SNAPC3: variants seen among roughly 807,000 people sequenced by gnomAD.
SNAPC3 encodes small nuclear RNA activating complex polypeptide 3.
A neutral mutation model predicts 47.7 loss-of-function variants in SNAPC3; 56 were observed. The ratio of observed to expected loss-of-function variants is 1.18; its 90% CI spans 0.95 to 1.47. The LOEUF is 1.47. Ranked by LOEUF, SNAPC3 falls within the 40% of genes most tolerant of loss-of-function variation. The pLI is 0.00. For missense variants in SNAPC3, 665 were observed against 511.3 expected (o/e 1.30, Z -2.90); for synonymous variants, 235 against 189.9 (o/e 1.24, Z -1.95).
downstream of SNAPC3, among the ~76,000 whole-genome samples, chr9:15,466,386 A>T (rs1587447299): frequency 6.6e-6 from 1 of 152,116 alleles, no homozygotes; most frequent in East Asian, 1.9e-4. Context: ...CTCAAAGAAA[A>T]AACAACAACA....
chr9:15,458,232 C>T (rs1194451518), intron 8 of SNAPC3, among the ~76,000 whole-genome samples, 165 bp downstream of exon 8: 4 of 152,064 alleles, frequency 2.6e-5, no homozygotes, highest in Admixed American at 6.6e-5. Flanking sequence ...TTAAAACTAA[C>T]ATTCTTAAAT....
intron 3 of SNAPC3, chr9:15,433,921 CTT>C (rs1440209746): frequency 9.1e-6 from 2 of 219,560 alleles, no homozygotes; most frequent in Non-Finnish European, 1.8e-5. Flanking sequence ...TATTTCTGGT[CTT>C]TTTGTTCTGC....
chr9:15,452,210 G>A (rs2034442591), intron 6 of SNAPC3, among the ~76,000 whole-genome samples: 1 of 152,060 alleles, frequency 6.6e-6, no homozygotes, highest in South Asian at 2.1e-4. Context: ...TAAGCCGACT[G>A]CATCGGCCTC....
At position 15,423,140 on chromosome 9, in the gene SNAPC3, C is replaced by T. The variant is rs559260049; in HGVS notation, c.261C>T (p.Ala87=). ...ADSDREDAAV[A]RDLDCSLEAA... is the part of the protein sequence containing the mutation. ...CCGACCGGGAGGATGCCGCGGTGGC[C>T]AGGGATCTGGACTGCAGCCTGGAGG... The change falls in exon 1 of 9, where the codon GCC becomes GCT. Residue 87 remains alanine (A), a synonymous_variant. Coordinates refer to ENST00000380821, the MANE Select transcript of SNAPC3 (RefSeq NM_001039697.2). 1.7e-5 allele frequency: 27 copies of T among 1,563,056 alleles called. No homozygotes were observed. The South Asian group carries it at 2.5e-4, about 14-fold the overall frequency.
chr9:15,443,352 T>G (rs1388403786), intron 3 of SNAPC3, among the ~76,000 whole-genome samples: 1 of 152,224 alleles, frequency 6.6e-6, no homozygotes, highest in Non-Finnish European at 1.5e-5. Context: ...AATTCTTATT[T>G]TCCTAAGAGT....
chr9:15,428,738 C>T (rs764794541), intron 2 of SNAPC3, among the ~76,000 whole-genome samples: 3 of 151,262 alleles, frequency 2.0e-5, no homozygotes. Flanking sequence ...TTGTAAGATA[C>T]CTAAGGGAAA....
At position 15,423,084 on chromosome 9, in the gene SNAPC3, T is replaced by C; in HGVS notation, c.205T>C (p.Ser69Pro). 6.5e-7 allele frequency: 1 copy of C among 1,527,082 alleles called. No homozygotes were observed. Among genetic ancestry groups the C allele is most frequent in the Admixed American group, 2.4e-5 (1 of 41,602 alleles). 94.6% of individuals were successfully genotyped at this position (1,527,082 alleles called of 1,614,324 possible). A position where few individuals can be genotyped will look rare whatever the true frequency, so the allele number is the denominator to read the frequency against. Residue 69 changes from serine (S) to proline (P), a missense_variant, in exon 1 of 9, where the codon TCC (serine) becomes CCC (proline). Transcript: ENST00000380821. ...CTTGTCGCTGAGGGAGCCGCCGGCA[T>C]CCGCTCTGCCTGGGAGCCAGGCAGC... ...GDLSLREPPA[S>P]ALPGSQAADS... is the part of the protein sequence containing the mutation.
At position 15,451,335 on chromosome 9, in the gene SNAPC3, G is replaced by C; in HGVS notation, c.748G>C (p.Ala250Pro). The C allele has an allele frequency of 6.8e-7, 1 of 1,476,560 alleles. No individual in the cohort carries two copies. Among genetic ancestry groups the C allele is most frequent in the South Asian group, 1.2e-5 (1 of 80,632 alleles). 91.5% of individuals were successfully genotyped at this position (1,476,560 alleles called of 1,614,324 possible). A position where few individuals can be genotyped will look rare whatever the true frequency, so the allele number is the denominator to read the frequency against. Residue 250 changes from alanine to proline, a missense_variant, in exon 6 of 9, where the codon GCC becomes CCC. Transcript: ENST00000380821. Reference protein sequence around the residue: ...EHISKDLYKSAFFYFEGTFYN... With the variant: ...EHISKDLYKSPFFYFEGTFYN... ...TTTCTTGTAGGACCTATACAAATCA[G>C]CCTTCTTTTATTTTGAAGGAACATT...
rs566623035 is a variant in SNAPC3 at position 15,436,985 on chromosome 9, G to A, written c.477+3349G>A. On this transcript the variant is annotated intron_variant, in intron 3 of 8. Coordinates refer to ENST00000380821, the MANE Select transcript of SNAPC3 (RefSeq NM_001039697.2). ...ATTACAGGTGCATGCCACCATGCCC[G>A]GCTAAGTTTTTGTATTTTTAATATA... Among the ~76,000 whole-genome samples the A allele has an allele frequency of 1.8e-3, 267 of 151,432 alleles. 3 individuals are homozygous for A. The highest frequency in any genetic ancestry group is 0.016 in the Admixed American group (249 of 15,196).
chr9:15,423,061 T>C lies in SNAPC3; in HGVS notation c.182T>C (p.Leu61Ser). Residue 61 changes from leucine (L) to serine (S), a missense_variant, in exon 1 of 9, where the codon TTG becomes TCG. By Grantham distance (145) the Leu-to-Ser change is moderately radical. Coordinates refer to ENST00000380821, the MANE Select transcript of SNAPC3 (RefSeq NM_001039697.2). Reference sequence around the variant, plus strand: ...GGCCGTCTGCGCGGGGCCGGGGACTTGTCGCTGAGGGAGCCGCCGGCATCC... The same window carrying C: ...GGCCGTCTGCGCGGGGCCGGGGACTCGTCGCTGAGGGAGCCGCCGGCATCC... ...WRGRLRGAGD[L>S]SLREPPASAL... The C allele has an allele frequency of 6.6e-7, 1 of 1,518,962 alleles. No individual in the cohort carries two copies. 94.1% of individuals were successfully genotyped at this position (1,518,962 alleles called of 1,614,324 possible).
At chr9:15,457,686 CTT>C (rs1361297048) in intron 7 of SNAPC3, among the ~76,000 whole-genome samples, 1 of 152,142 alleles carries the variant, frequency 6.6e-6, no homozygotes, top group African/African-American at 2.4e-5. Flanking sequence ...ATAACTCCCT[CTT>C]AAGGGGGGAT....
At chr9:15,439,735 T>G (rs2033153911) in intron 3 of SNAPC3, among the ~76,000 whole-genome samples, 1 of 152,182 alleles carries the variant, frequency 6.6e-6, no homozygotes, top group Non-Finnish European at 1.5e-5. Context: ...GGTTTCACCA[T>G]GTTGGCCAGG....
chr9:15,442,843 A>C (rs879229562), intron 3 of SNAPC3, among the ~76,000 whole-genome samples: 1 of 152,134 alleles, frequency 6.6e-6, no homozygotes, highest in African/African-American at 2.4e-5. Flanking sequence ...AGGTTGTAGC[A>C]AGCCGAGATC....
At chr9:15,428,794 C>G (rs1421346821) in intron 2 of SNAPC3, among the ~76,000 whole-genome samples, 1 of 151,480 alleles carries the variant, frequency 6.6e-6, no homozygotes, top group Non-Finnish European at 1.5e-5. Flanking sequence ...GGCATAAAAA[C>G]AACGAAGAGA....
intron 8 of SNAPC3, 38 bp from the exon 9 acceptor site, chr9:15,459,681 T>A: frequency 6.3e-7 from 1 of 1,587,316 alleles, no homozygotes; most frequent in East Asian, 2.2e-5. Context: ...ATGGCAAATT[T>A]GATTGTAATG....
chr9:15,457,161 A>G (rs946382337), intron 7 of SNAPC3, among the ~76,000 whole-genome samples: 6 of 152,176 alleles, frequency 3.9e-5, no homozygotes, highest in African/African-American at 7.2e-5. Context: ...CTAAGATTCT[A>G]CCAATTCATA....
In SNAPC3 at chr9:15,437,093, G is replaced by A. The variant is rs1195910670; in HGVS notation, c.477+3457G>A. On this transcript the variant is annotated intron_variant, in intron 3 of 8. Transcript: ENST00000380821. ...GCCTGCCTCGGCCTCCCAAAATGCT[G>A]GGATTACAGACGTGAGCCACCGTGC... 2.0e-5 allele frequency among the ~76,000 whole-genome samples: 3 copies of A among 152,002 alleles called. No individual in the cohort carries two copies. In the East Asian group the frequency reaches 5.8e-4, roughly 29 times the overall value.
In SNAPC3 at chr9:15,453,211, T is replaced by C. The variant is rs537642122; in HGVS notation, c.980+6T>C. On this transcript the variant is annotated splice_donor_region_variant and intron_variant, in intron 7 of 8. Transcript: ENST00000380821. ...ATTGTCATTACTGACATAAGGTAGGTGACAGCACTTAAGACATTTTGTTAC... is the reference window on the plus strand; with the variant it reads ...ATTGTCATTACTGACATAAGGTAGGCGACAGCACTTAAGACATTTTGTTAC... The C allele has an allele frequency of 6.3e-7, 1 of 1,599,104 alleles. No homozygotes were observed. Among genetic ancestry groups the C allele is most frequent in the East Asian group, 2.2e-5 (1 of 44,578 alleles).
intron 7 of SNAPC3, among the ~76,000 whole-genome samples, chr9:15,454,973 GGAGA>G (rs2034666992): frequency 6.6e-6 from 1 of 151,992 alleles, no homozygotes; most frequent in Non-Finnish European, 1.5e-5. Flanking sequence ...AATGCAAATG[GGAGA>G]GAATTAATAG....
Sources: gnomAD v4.1 joint callset for allele counts (sites outside exome capture counted in the v4.1 genomes callset) on GRCh38, gnomAD v4.1.1 for gene constraint, MANE v1.5 for transcripts, NCBI Gene and HGNC (gene_info 2026-07-23, HGNC 2026-07-21) for gene names.